Variants in COL15A1 observed in about 807,000 individuals in gnomAD.
The protein encoded by COL15A1 is collagen alpha-1(XV) chain.
A neutral mutation model predicts 165.9 loss-of-function variants in COL15A1; 111 were observed. The ratio of observed to expected loss-of-function variants is 0.67; its 90% CI spans 0.57 to 0.78. The LOEUF (loss-of-function observed/expected upper bound fraction) is 0.78, where lower values mean the gene tolerates loss of function less well. Ranked by LOEUF, COL15A1 falls within the 30% of genes least tolerant of loss-of-function variation. The probability of loss-of-function intolerance (pLI) is 0.00; values close to 1 mark genes in which losing one functional copy is unlikely to be tolerated. For missense variants in COL15A1, 1,745 were observed against 1,789.7 expected, an observed-to-expected ratio of 0.98 and a Z score of 0.45; for synonymous variants, 659 against 674.8, an observed-to-expected ratio of 0.98 and a Z score of 0.36.
intron 2 of COL15A1, among the ~76,000 whole-genome samples, chr9:98,948,872 A>G (rs1037295060): frequency 6.6e-6 from 1 of 152,248 alleles, no homozygotes; most frequent in Non-Finnish European, 1.5e-5. Context: ...GTGAAATACA[A>G]CATCCATTCA....
At chr9:98,954,263 A>G (rs950711353) in intron 2 of COL15A1, among the ~76,000 whole-genome samples, 1 of 152,234 alleles carries the variant, frequency 6.6e-6, no homozygotes, top group Non-Finnish European at 1.5e-5. Context: ...ATACATAGTT[A>G]TTATAAAAAC....
At chr9:99,021,927 TG>T (rs1237603805) in intron 12 of COL15A1, among the ~76,000 whole-genome samples, 163 bp from the exon 13 acceptor site, 1 of 152,226 alleles carries the variant, frequency 6.6e-6, no homozygotes, top group African/African-American at 2.4e-5. Flanking sequence ...TTCTGAGCCC[TG>T]GGGTGGGACA....
intron 4 of COL15A1, among the ~76,000 whole-genome samples, chr9:98,988,661 G>A (rs548074956): frequency 2.2e-4 from 33 of 152,276 alleles, no homozygotes; most frequent in Middle Eastern, 6.8e-3. Flanking sequence ...AGTAGCTCAC[G>A]CCTGTAATCC....
At chr9:98,990,084 C>G (rs763383511) in intron 5 of COL15A1, among the ~76,000 whole-genome samples, 1 of 152,188 alleles carries the variant, frequency 6.6e-6, no homozygotes, top group Non-Finnish European at 1.5e-5. Context: ...AGATTACAGA[C>G]CTTGGGCAGC....
chr9:98,972,103 G>A lies in COL15A1; in HGVS notation c.101-13462G>A, dbSNP rs528478203. On this transcript the variant is annotated intron_variant, in intron 2 of 41. Transcript: ENST00000375001. ...AAGTAGGGTTCTCACTGTGTTGTCC[G>A]TTCTCACAATATCTCTGTGAGCCAG... is the stretch of plus-strand genomic sequence containing the variant. Among the ~76,000 whole-genome samples the A allele has an allele frequency of 3.3e-5, 5 of 152,086 alleles. No homozygotes were observed. In the South Asian group the frequency reaches 6.2e-4, roughly 19 times the overall value.
chr9:99,020,465 G>A (rs1470221161), intron 12 of COL15A1, 23 bp downstream of exon 12: 1 of 1,563,082 alleles, frequency 6.4e-7, no homozygotes, highest in Non-Finnish European at 8.8e-7. Flanking sequence ...ACCATCCTGG[G>A]GAACACTTTG....
intron 39 of COL15A1, among the ~76,000 whole-genome samples, chr9:99,066,175 T>C (rs1456258668): frequency 2.3e-5 from 3 of 130,476 alleles, no homozygotes; most frequent in East Asian, 5.6e-4. Context: ...TTCCAGAGGG[T>C]GTGGCAGAAA....
intron 28 of COL15A1, among the ~76,000 whole-genome samples, chr9:99,048,942 AC>A (rs2117867130): frequency 6.6e-6 from 1 of 151,840 alleles, no homozygotes; most frequent in Non-Finnish European, 1.5e-5. Flanking sequence ...TTTGTGCCAC[AC>A]TGCTTTTGCT....
chr9:99,039,123 T>C (rs1839356386), intron 22 of COL15A1, among the ~76,000 whole-genome samples: 1 of 152,208 alleles, frequency 6.6e-6, no homozygotes, highest in Admixed American at 6.5e-5. Context: ...ATGGACTCAT[T>C]CTAGTCTTTA....
At chr9:99,001,442 G>T (rs965595826) in intron 7 of COL15A1, among the ~76,000 whole-genome samples, 1 of 152,122 alleles carries the variant, frequency 6.6e-6, no homozygotes, top group African/African-American at 2.4e-5. Flanking sequence ...AACCCACAAC[G>T]CCAGCTCATT....
At chr9:99,049,927 C>T (rs761301637) in intron 30 of COL15A1, 32 bp downstream of exon 30, 31 of 1,613,982 alleles carry the variant, frequency 1.9e-5, no homozygotes, top group Non-Finnish European at 2.6e-5. Flanking sequence ...AAAGAGCAGG[C>T]TTTGGCATGG....
At chr9:98,974,870 C>T (rs1838117490) in intron 2 of COL15A1, among the ~76,000 whole-genome samples, 1 of 152,208 alleles carries the variant, frequency 6.6e-6, no homozygotes, top group Admixed American at 6.5e-5. Flanking sequence ...GCACCTTCAG[C>T]CTTTCCCAGC....
Position 99,035,086 on chromosome 9 carries a change from G to C in COL15A1, c.2152G>C (p.Gly718Arg). 1.9e-6 allele frequency: 3 copies of C among 1,601,698 alleles called. No homozygotes were observed. Among genetic ancestry groups the C allele is most frequent in the Non-Finnish European group, 2.6e-6 (3 of 1,169,016 alleles). The part of the protein sequence containing the change: ...KGQAGPPGVM[G>R]PPGPPGPPGP... ...ACAAGCTGGCCCTCCTGGGGTCATG[G>C]GACCCCCAGGGCCTCCTGGACCCCC... Residue 718 changes from glycine to arginine, a missense_variant, in exon 18 of 42, where the codon GGA becomes CGA. Coordinates refer to ENST00000375001, the MANE Select transcript of COL15A1 (RefSeq NM_001855.5).
In COL15A1 at chr9:99,059,887, A is replaced by C; in HGVS notation, c.3338-2A>C. On this transcript the variant is annotated splice_acceptor_variant, in intron 35 of 41. Coordinates refer to ENST00000375001, the MANE Select transcript of COL15A1 (RefSeq NM_001855.5). LOFTEE classifies it high-confidence loss of function. The stretch of plus-strand genomic sequence containing the variant: ...TAACTTCTCTTTTCTGTTTTGTCTT[A>C]GCTGTGGCCCTTCCAGGTCCCCCTG... 6.2e-7 allele frequency: 1 copy of C among 1,613,502 alleles called. No individual in the cohort carries two copies. Among genetic ancestry groups the C allele is most frequent in the South Asian group, 1.1e-5 (1 of 90,994 alleles).
intron 2 of COL15A1, among the ~76,000 whole-genome samples, chr9:98,959,227 C>CAA (rs60892848): frequency 0.027 from 1,999 of 73,174 alleles, 121 homozygotes; most frequent in African/African-American, 0.096. Flanking sequence ...CCTGTCTCTA[C>CAA]AAAAAAAAAA....
rs1839493171 is a variant in COL15A1 at position 99,046,429 on chromosome 9, A to G, written c.2680-1357A>G. ...AAGATCCAGGTGATTCTTAACACAC[A>G]TTGATGTTTGGGAAGTGTATTAGTC... On this transcript the variant is annotated intron_variant, in intron 26 of 41. Transcript: ENST00000375001. Among the ~76,000 whole-genome samples the G allele has an allele frequency of 2.0e-5, 3 of 152,194 alleles. No individual in the cohort carries two copies. The South Asian group carries it at 6.2e-4, about 32-fold the overall frequency.
intron 9 of COL15A1, among the ~76,000 whole-genome samples, chr9:99,006,908 G>C (rs545733711): frequency 2.9e-4 from 44 of 152,306 alleles, no homozygotes; most frequent in Admixed American, 1.7e-3. Context: ...GTCAATTTTG[G>C]AAGTTTATTT....
intron 2 of COL15A1, among the ~76,000 whole-genome samples, chr9:98,983,036 T>A (rs913221234): frequency 5.3e-5 from 8 of 152,256 alleles, no homozygotes; most frequent in South Asian, 2.1e-4. Flanking sequence ...TCGCTTTTTT[T>A]AAAATTGTGG....
At chr9:98,944,488 T>A (rs1299668349) in intron 2 of COL15A1, among the ~76,000 whole-genome samples, 1 of 151,468 alleles carries the variant, frequency 6.6e-6, no homozygotes, top group Non-Finnish European at 1.5e-5. Flanking sequence ...GCACCCGAGA[T>A]GTCTGAGCTG....
Sources: gnomAD v4.1 joint callset for allele counts (sites outside exome capture counted in the v4.1 genomes callset) on GRCh38, gnomAD v4.1.1 for gene constraint, MANE v1.5 for transcripts, NCBI Gene and HGNC (gene_info 2026-07-23, HGNC 2026-07-21) for gene names.